Variants in CEMIP observed in about 807,000 individuals in gnomAD.
CEMIP encodes the protein cell migration-inducing and hyaluronan-binding protein.
CEMIP carries 105 observed loss-of-function variants against 156.9 expected under a neutral mutation model. The observed-to-expected ratio is 0.67, with a 90% confidence interval of 0.57 to 0.79. CEMIP has a LOEUF of 0.79. CEMIP is among the 30% of genes least tolerant of loss of function. The probability of loss-of-function intolerance (pLI) is 0.00; values close to 1 mark genes in which losing one functional copy is unlikely to be tolerated. For missense variants in CEMIP, 1,457 were observed against 1,769.4 expected (o/e 0.82, Z 3.17); for synonymous variants, 676 against 668.4 (o/e 1.01, Z -0.17).
intron 1 of CEMIP, among the ~76,000 whole-genome samples, chr15:80,864,910 G>A (rs924191624): frequency 6.6e-6 from 1 of 152,180 alleles, no homozygotes; most frequent in African/African-American, 2.4e-5. Flanking sequence ...GGTCTGGAGT[G>A]GGACTGAGAA....
In CEMIP at chr15:80,865,101, A is replaced by G. The variant is rs529777803; in HGVS notation, c.-175-8437A>G. On this transcript the variant is annotated intron_variant, in intron 1 of 29. Transcript: ENST00000394685. Reference sequence around the variant, plus strand: ...ATGTGTCCTCAACCTGTGATGTCCAATGTAGTAGCCCCTAACCATATACAA... The same window carrying G: ...ATGTGTCCTCAACCTGTGATGTCCAGTGTAGTAGCCCCTAACCATATACAA... 5.9e-5 allele frequency among the ~76,000 whole-genome samples: 9 copies of G among 152,346 alleles called. No homozygotes were observed. The South Asian group carries it at 1.0e-3, about 18-fold the overall frequency.
At chr15:80,910,774 G>A (rs1220834732) in intron 14 of CEMIP, among the ~76,000 whole-genome samples, 1 of 152,192 alleles carries the variant, frequency 6.6e-6, no homozygotes, top group Non-Finnish European at 1.5e-5. Flanking sequence ...CTGTCGTGAG[G>A]ATGAATGAGA....
intron 1 of CEMIP, among the ~76,000 whole-genome samples, chr15:80,783,454 A>G (rs1045977546): frequency 6.6e-6 from 1 of 152,198 alleles, no homozygotes; most frequent in Admixed American, 6.5e-5. Flanking sequence ...AGGCAGTTTC[A>G]GTTTCCTTTG....
chr15:80,929,789 A>G (rs535175183), intron 21 of CEMIP, among the ~76,000 whole-genome samples: 3 of 152,356 alleles, frequency 2.0e-5, no homozygotes, highest in South Asian at 2.1e-4. Context: ...ATGCTCAACA[A>G]CAGAATAGCA....
At chr15:80,905,119 G>A (rs2141884355) in intron 12 of CEMIP, among the ~76,000 whole-genome samples, 1 of 152,314 alleles carries the variant, frequency 6.6e-6, no homozygotes, top group Non-Finnish European at 1.5e-5. Flanking sequence ...CAGTGTCACT[G>A]GAGTGGGTGT....
chr15:80,789,919 C>T (rs1293882797), intron 1 of CEMIP, among the ~76,000 whole-genome samples: 1 of 152,178 alleles, frequency 6.6e-6, no homozygotes, highest in East Asian at 1.9e-4. Flanking sequence ...TGAACTTGAG[C>T]TTCTGCTCTG....
At chr15:80,895,639 T>G (rs1201078797) in intron 11 of CEMIP, among the ~76,000 whole-genome samples, 1 of 152,116 alleles carries the variant, frequency 6.6e-6, no homozygotes, top group Non-Finnish European at 1.5e-5. Flanking sequence ...AGCTAAGAAG[T>G]TAGTGGAAAA....
intron 1 of CEMIP, among the ~76,000 whole-genome samples, chr15:80,828,196 T>C (rs1292953608): frequency 1.3e-5 from 2 of 152,086 alleles, no homozygotes; most frequent in African/African-American, 4.8e-5. Context: ...CTAGCTAACA[T>C]GGTGAAACCT....
chr15:80,916,838 C>T (rs1224739404), intron 14 of CEMIP, among the ~76,000 whole-genome samples: 1 of 152,136 alleles, frequency 6.6e-6, no homozygotes, highest in East Asian at 1.9e-4. Context: ...ATCATGCTTC[C>T]CTCTTGATTC....
intron 1 of CEMIP, among the ~76,000 whole-genome samples, chr15:80,807,617 AGT>A (rs376552862): frequency 1.2e-3 from 184 of 152,312 alleles, no homozygotes; most frequent in African/African-American, 4.1e-3. Context: ...CCAGAACAAG[AGT>A]GTGCATGGTA....
intron 1 of CEMIP, among the ~76,000 whole-genome samples, chr15:80,814,326 G>C (rs890551899): frequency 6.6e-6 from 1 of 152,142 alleles, no homozygotes; most frequent in Admixed American, 6.6e-5. Flanking sequence ...TAGGATTACA[G>C]GTGTGAGCCA....
intron 1 of CEMIP, among the ~76,000 whole-genome samples, chr15:80,830,236 A>G (rs1408906721): frequency 1.3e-5 from 2 of 152,042 alleles, no homozygotes; most frequent in South Asian, 4.2e-4. Flanking sequence ...AGCATTTTGT[A>G]ATTTACTTTT....
chr15:80,878,974 G>C (rs1898557312), intron 4 of CEMIP, 107 bp downstream of exon 4: 2 of 1,412,554 alleles, frequency 1.4e-6, no homozygotes, highest in Non-Finnish European at 2.0e-6. Context: ...AACATCACAT[G>C]CTTTGGGTTC....
intron 1 of CEMIP, among the ~76,000 whole-genome samples, chr15:80,839,289 A>AGTGTGTGTGT (rs34172431): frequency 0.057 from 7,451 of 131,076 alleles, 279 homozygotes; most frequent in East Asian, 0.14. Flanking sequence ...CAAGGCCGTG[A>AGTGTGTGTGT]GTGTGTGTGT....
Position 80,789,735 on chromosome 15 carries a change from A to C in CEMIP, c.-176+10121A>C, listed in dbSNP as rs571414572. ...GAAATCTGTTCTACATTTTAAAATC[A>C]CAGTGTAATGTTACAAATGGTGACA... On this transcript the variant is annotated intron_variant, in intron 1 of 29. Transcript: ENST00000394685. Among the ~76,000 whole-genome samples the C allele has an allele frequency of 2.0e-5, 3 of 152,300 alleles. No homozygotes were observed. In the South Asian group the frequency reaches 6.2e-4, roughly 32 times the overall value.
rs1898606997 is a variant in CEMIP at position 80,880,347 on chromosome 15, T to C, written c.380+493T>C. On this transcript the variant is annotated intron_variant, in intron 5 of 29. Coordinates refer to ENST00000394685, the MANE Select transcript of CEMIP (RefSeq NM_001293298.2). Reference sequence around the variant, plus strand: ...AGAACTGAATGGAAAACATGCCAACTTGTGAACTAATAATTGGCACGTCTG... The same window carrying C: ...AGAACTGAATGGAAAACATGCCAACCTGTGAACTAATAATTGGCACGTCTG... Among the ~76,000 whole-genome samples the C allele has an allele frequency of 2.0e-5, 3 of 152,222 alleles. No individual in the cohort carries two copies. The South Asian group carries it at 6.2e-4, about 32-fold the overall frequency.
intron 9 of CEMIP, 33 bp from the exon 10 acceptor site, chr15:80,889,438 C>A (rs1247775042): frequency 6.2e-7 from 1 of 1,613,682 alleles, no homozygotes; most frequent in South Asian, 1.1e-5. Context: ...CAGACAACCT[C>A]CTGTCTGACT....
intron 1 of CEMIP, among the ~76,000 whole-genome samples, chr15:80,810,390 C>T (rs980655541): frequency 2.6e-5 from 4 of 152,052 alleles, no homozygotes; most frequent in African/African-American, 4.8e-5. Context: ...GTTTTTGAGA[C>T]GGAGTCTCAC....
chr15:80,926,662 G>T (rs138845917), intron 19 of CEMIP, among the ~76,000 whole-genome samples: 3 of 152,236 alleles, frequency 2.0e-5, no homozygotes, highest in African/African-American at 7.2e-5. Context: ...GAAGATGCTT[G>T]AGAGACAGAG....
Sources: gnomAD v4.1 joint callset for allele counts (sites outside exome capture counted in the v4.1 genomes callset) on GRCh38, gnomAD v4.1.1 for gene constraint, MANE v1.5 for transcripts, NCBI Gene and HGNC (gene_info 2026-07-23, HGNC 2026-07-21) for gene names.